The following PHF11 variants were observed in gnomAD, a reference collection of about 807,000 sequenced individuals.
PHF11 encodes the protein PHD finger protein 11, also known as BRCA1 C-terminus-associated protein.
Under a neutral mutation model 40.5 loss-of-function variants are expected in PHF11, and 38 were observed. The observed-to-expected ratio is 0.94, with a 90% CI of 0.72 to 1.23. The LOEUF (loss-of-function observed/expected upper bound fraction) is 1.23. Among genes scored for constraint, PHF11 ranks in the 50% most tolerant of loss-of-function variants. The pLI is 0.00. For missense variants in PHF11, 369 were observed against 392.4 expected (o/e 0.94, Z 0.50); for synonymous variants, 127 against 138.2 (o/e 0.92, Z 0.57).
rs10573458 is a variant in PHF11, at chr13:49,526,168, CAAAAAAAAAAA to C, written c.770-207_770-197del. The C allele has an allele frequency of 1.8e-4, 61 of 341,252 alleles. 1 individual carries two copies. The highest frequency in any genetic ancestry group is 1.3e-3 in the South Asian group (39 of 30,856). 21.1% of individuals were successfully genotyped at this position (341,252 alleles called of 1,614,324 possible). A position where few individuals can be genotyped will look rare whatever the true frequency, so the allele number is the denominator to read the frequency against. ...TGGGCAACAGGGTGAGATTCTGTCTCAAAAAAAAAAAAAAAAAAAAAAGAAAAAAGAGAAAT... is the reference window on the plus strand; with the variant it reads ...TGGGCAACAGGGTGAGATTCTGTCTCAAAAAAAAAAAGAAAAAAGAGAAAT... On this transcript the variant is annotated intron_variant, in intron 8 of 9. Transcript: ENST00000378319.
At chr13:49,509,214 AT>A (rs11423473) in intron 2 of PHF11, among the ~76,000 whole-genome samples, 11,191 of 143,742 alleles carry the variant, frequency 0.078, 662 homozygotes, top group African/African-American at 0.18. Context: ...CTTTAGTATG[AT>A]TTTTTTTTTT....
chr13:49,519,173 G>A (rs1016417291), intron 4 of PHF11, among the ~76,000 whole-genome samples: 4 of 152,148 alleles, frequency 2.6e-5, no homozygotes, highest in African/African-American at 7.2e-5. Flanking sequence ...AGTTCCGTAA[G>A]TATTTTGTTG....
Position 49,520,140 on chromosome 13 carries a change from C to T in PHF11, c.459-754C>T, listed in dbSNP as rs146288123. On this transcript the variant is annotated intron_variant, in intron 4 of 9. Transcript: ENST00000378319. ...TCAGCTCACTGCAACTTCCAGCCTC[C>T]TGGGTTCAAGCGATTCTCCTGCCTC... Among the ~76,000 whole-genome samples the T allele has an allele frequency of 3.6e-3, 550 of 152,316 alleles. 5 individuals carry two copies. Among genetic ancestry groups the T allele is most frequent in the African/African-American group, 0.013 (520 of 41,554 alleles).
intron 9 of PHF11, 69 bp downstream of exon 9, chr13:49,526,527 T>C: frequency 2.3e-6 from 2 of 861,798 alleles, no homozygotes; most frequent in Non-Finnish European, 3.9e-6. Flanking sequence ...TGAAACAATA[T>C]ACTGTACAGG....
Position 49,526,452 on chromosome 13 carries a change from C to A in PHF11, c.835C>A (p.Gln279Lys). ...RLFEDTFVNFQAAIEKKIHAS... is the reference protein window; with the variant it reads ...RLFEDTFVNFKAAIEKKIHAS... ...GTTCGAAGACACATTTGTAAATTTTCAAGCAGGTATATGAGTTATATAACA... is the reference window on the plus strand; with the variant it reads ...GTTCGAAGACACATTTGTAAATTTTAAAGCAGGTATATGAGTTATATAACA... The change falls in exon 9 of 10, where the codon CAA becomes AAA. Residue 279 changes from glutamine (Q) to lysine (K), a missense_variant. Physicochemically the swap from Gln to Lys is moderately conservative, Grantham distance 53 (BLOSUM62 1). Coordinates refer to ENST00000378319, the MANE Select transcript of PHF11 (RefSeq NM_001040443.3). 6.3e-7 allele frequency: 1 copy of A among 1,583,644 alleles called. No individual in the cohort carries two copies. The highest frequency in any genetic ancestry group is 8.7e-7 in the Non-Finnish European group (1 of 1,152,432).
Position 49,526,391 on chromosome 13 carries a change from TGAA to T in PHF11, c.778_780del (p.Glu260del). 6.2e-7 allele frequency: 1 copy of T among 1,603,594 alleles called. No individual in the cohort carries two copies. Among genetic ancestry groups the T allele is most frequent in the Non-Finnish European group, 8.5e-7 (1 of 1,170,526 alleles). On this transcript the variant is annotated inframe_deletion, in exon 9 of 10. Coordinates refer to ENST00000378319, the MANE Select transcript of PHF11 (RefSeq NM_001040443.3). ...AAAATGTTTCTCTCCCTCCAGACTA[TGAA>T]GAAATCGGGAGTGCACTTTTTGACT...
At chr13:49,521,505 T>C (rs927937324) in intron 5 of PHF11, 21 of 985,620 alleles carry the variant, frequency 2.1e-5, no homozygotes, top group Non-Finnish European at 2.4e-6. Context: ...TTTATGGTGA[T>C]AACATTCTCC....
intron 2 of PHF11, among the ~76,000 whole-genome samples, chr13:49,507,231 A>T (rs1959014560): frequency 6.6e-6 from 1 of 152,046 alleles, no homozygotes; most frequent in Non-Finnish European, 1.5e-5. Flanking sequence ...TCTGACTTTG[A>T]ACTGTTTCAG....
intron 1 of PHF11, among the ~76,000 whole-genome samples, chr13:49,505,729 T>A (rs1958978635): frequency 6.6e-6 from 1 of 152,184 alleles, no homozygotes; most frequent in Non-Finnish European, 1.5e-5. Flanking sequence ...TCTCTCTGCC[T>A]CTTGCCTTTT....
intron 1 of PHF11, among the ~76,000 whole-genome samples, chr13:49,503,547 A>G (rs1179130378): frequency 6.6e-6 from 1 of 152,238 alleles, no homozygotes; most frequent in Non-Finnish European, 1.5e-5. Context: ...AGCACGTACA[A>G]TGTGACTGGT....
rs1012827085 is a variant in PHF11, at chr13:49,497,226, C to T, written c.94+1131C>T. The T allele has an allele frequency of 6.2e-6, 8 of 1,281,768 alleles. No homozygotes were observed. The Admixed American group carries it at 9.2e-5, about 15-fold the overall frequency. The allele number at this position is 1,281,768 out of a possible 1,614,324, so 79.4% of individuals were successfully genotyped here. On this transcript the variant is annotated intron_variant, in intron 1 of 9. Coordinates refer to ENST00000378319, the MANE Select transcript of PHF11 (RefSeq NM_001040443.3). ...TACATATGGACTGTAAGGTAAGTCA[C>T]GGGAGATGCGCTTCCATCCTGACCT...
chr13:49,521,197 A>C, intron 5 of PHF11: 1 of 1,120,674 alleles, frequency 8.9e-7, no homozygotes. Flanking sequence ...CACAGAACCA[A>C]ACTAAGACAT....
chr13:49,525,288 C>CT (rs2139078877), intron 8 of PHF11, among the ~76,000 whole-genome samples: 1 of 152,318 alleles, frequency 6.6e-6, no homozygotes, highest in East Asian at 1.9e-4. Flanking sequence ...CGCTCTCTCT[C>CT]CCAGGCTGAA....
intron 8 of PHF11, chr13:49,525,680 A>G (rs1959240556): frequency 2.6e-6 from 1 of 380,960 alleles, no homozygotes; most frequent in Non-Finnish European, 5.2e-6. Context: ...GAATGGGATT[A>G]TTTTCTATAG....
intron 1 of PHF11, 46 bp downstream of exon 1, chr13:49,496,141 C>T: frequency 1.9e-6 from 2 of 1,078,092 alleles, no homozygotes; most frequent in Non-Finnish European, 2.4e-6. Flanking sequence ...GGCTGGGCAG[C>T]GACGGGCCCG....
intron 3 of PHF11, among the ~76,000 whole-genome samples, chr13:49,516,494 T>C (rs9568233): frequency 0.027 from 4,118 of 150,082 alleles, 113 homozygotes; most frequent in East Asian, 0.12. Flanking sequence ...TTATCTAGTA[T>C]GCTACAAACA....
At chr13:49,511,758 A>G (rs976517763) in intron 2 of PHF11, among the ~76,000 whole-genome samples, 1 of 152,154 alleles carries the variant, frequency 6.6e-6, no homozygotes, top group Non-Finnish European at 1.5e-5. Context: ...TATGAACACT[A>G]TTGATTTTTA....
rs1958825221 is a variant in PHF11 at position 49,497,051 on chromosome 13, T to C, written c.94+956T>C. ...TCTCCATGTTTCATGGGCTTACCTT[T>C]AAAGGGCAAGACTCAGCCAAAGGTG... On this transcript the variant is annotated intron_variant, in intron 1 of 9. Transcript: ENST00000378319. 4 of 1,252,242 alleles carry C rather than the reference T, an allele frequency of 3.2e-6. No homozygotes were observed. In the South Asian group the frequency reaches 5.3e-5, roughly 17 times the overall value. 77.6% of individuals were successfully genotyped at this position (1,252,242 alleles called of 1,614,324 possible). A position where few individuals can be genotyped will look rare whatever the true frequency, so the allele number is the denominator to read the frequency against.
rs530854923 is a variant in PHF11, at chr13:49,516,385, T to A, written c.325-1633T>A. Among the ~76,000 whole-genome samples the A allele has an allele frequency of 3.3e-5, 5 of 151,846 alleles. No homozygotes were observed. The South Asian group carries it at 1.0e-3, about 32-fold the overall frequency. ...ATGCTAAATAAATACTATATACTCATGTATTTTTAAATGAATAAATGTTTA... is the reference window on the plus strand; with the variant it reads ...ATGCTAAATAAATACTATATACTCAAGTATTTTTAAATGAATAAATGTTTA... On this transcript the variant is annotated intron_variant, in intron 3 of 9. Coordinates refer to ENST00000378319, the MANE Select transcript of PHF11 (RefSeq NM_001040443.3).
Sources: gnomAD v4.1 joint callset for allele counts (sites outside exome capture counted in the v4.1 genomes callset) on GRCh38, gnomAD v4.1.1 for gene constraint, MANE v1.5 for transcripts, NCBI Gene and HGNC (gene_info 2026-07-23, HGNC 2026-07-21) for gene names.